Variants in NAV3 observed in about 807,000 individuals in gnomAD.
NAV3 encodes the protein neuron navigator 3, also known as pore membrane and/or filament interacting like protein 1.
In NAV3, 87 loss-of-function variants were observed where a neutral mutation model predicts 244.7. That is an observed-to-expected ratio of 0.36 (90% CI 0.30 to 0.42). NAV3 has a LOEUF of 0.42. NAV3 is among the 20% of genes least tolerant of loss of function. The pLI is 1.00. For missense variants in NAV3, 2,663 were observed against 2,893.3 expected (o/e 0.92, Z 1.83); for synonymous variants, 1,126 against 1,042.2 (o/e 1.08, Z -1.55).
intron 2 of NAV3, among the ~76,000 whole-genome samples, chr12:77,673,337 A>G (rs1180060303): frequency 6.6e-6 from 1 of 152,172 alleles, no homozygotes; most frequent in African/African-American, 2.4e-5. Flanking sequence ...AACAGAGATT[A>G]ATGAACATAA....
intron 2 of NAV3, among the ~76,000 whole-genome samples, chr12:77,815,084 C>A (rs1872476474): frequency 6.6e-6 from 1 of 152,116 alleles, no homozygotes; most frequent in Non-Finnish European, 1.5e-5. Flanking sequence ...TTACACAGTC[C>A]TTGAATTTTA....
rs35092398 is a variant in NAV3 at position 77,946,102 on chromosome 12, G to GTA, written c.414+4987_414+4988dup. On this transcript the variant is annotated intron_variant, in intron 3 of 39. Coordinates refer to ENST00000397909, the MANE Select transcript of NAV3 (RefSeq NM_001024383.2). ...AGAAAAATTCACCATATATATATAT[G>GTA]TATATATATATATATATATTGTGTA... 2.2e-3 allele frequency among the ~76,000 whole-genome samples: 311 copies of GTA among 141,970 alleles called. 2 individuals are homozygous for GTA. Among genetic ancestry groups the GTA allele is most frequent in the Middle Eastern group, 3.7e-3 (1 of 270 alleles). The allele number at this position is 141,970 out of a possible 152,430, so 93.1% of individuals were successfully genotyped here. A position where few individuals can be genotyped will look rare whatever the true frequency, so the allele number is the denominator to read the frequency against.
rs1299894406 is a variant in NAV3, at chr12:78,165,458, G to T, written c.4870-3297G>T. The stretch of plus-strand genomic sequence containing the variant: ...TGATTAATGAGGATTCTCAAAACTT[G>T]AGTATCTTCTATGTTTCCCTTCAAC... On this transcript the variant is annotated intron_variant, in intron 23 of 39. Coordinates refer to ENST00000397909, the MANE Select transcript of NAV3 (RefSeq NM_001024383.2). 1.7e-4 allele frequency among the ~76,000 whole-genome samples: 26 copies of T among 151,696 alleles called. 1 individual carries two copies. The highest frequency in any genetic ancestry group is 1.3e-3 in the Admixed American group (20 of 15,174).
chr12:77,928,915 A>G (rs113085010), intron 1 of NAV3, among the ~76,000 whole-genome samples: 4 of 152,320 alleles, frequency 2.6e-5, no homozygotes, highest in African/African-American at 9.6e-5. Context: ...TGATATCTGC[A>G]TAACAAAGTG....
chr12:78,024,153 C>A (rs1877612498), intron 9 of NAV3, among the ~76,000 whole-genome samples: 1 of 152,188 alleles, frequency 6.6e-6, no homozygotes, highest in Admixed American at 6.5e-5. Context: ...TATTTTTCTT[C>A]TCTCCTTAGC....
At chr12:77,760,462 T>G (rs533646684) in intron 2 of NAV3, among the ~76,000 whole-genome samples, 17 of 152,342 alleles carry the variant, frequency 1.1e-4, no homozygotes, top group African/African-American at 4.1e-4. Flanking sequence ...CACTGTTGAT[T>G]TTGGCTATTG....
intron 3 of NAV3, among the ~76,000 whole-genome samples, chr12:77,944,272 A>C (rs578079128): frequency 7.2e-5 from 11 of 152,166 alleles, no homozygotes; most frequent in Non-Finnish European, 1.3e-4. Context: ...AGATGTTTAA[A>C]GCTGGGCTGT....
intron 2 of NAV3, among the ~76,000 whole-genome samples, chr12:77,777,816 T>C (rs192128465): frequency 0.035 from 5,342 of 151,460 alleles, 131 homozygotes; most frequent in Non-Finnish European, 0.055. Context: ...TCTTTTTTCT[T>C]TTTTTTTTGA....
Position 78,095,559 on chromosome 12 carries a change from C to A in NAV3, c.2637-21213C>A, listed in dbSNP as rs1018556499. Among the ~76,000 whole-genome samples, 3 of 152,240 alleles carry A rather than the reference C, an allele frequency of 2.0e-5. No individual in the cohort carries two copies. The East Asian group carries it at 5.8e-4, about 29-fold the overall frequency. On this transcript the variant is annotated intron_variant, in intron 12 of 39. Transcript: ENST00000397909. ...CTAAAGTTTACAGAATTTATTCCTG[C>A]TCTTTGAGGGTGCATTGCAAATCCA...
intron 21 of NAV3, 26 bp from the exon 22 acceptor site, chr12:78,148,816 C>A (rs960896734): frequency 6.3e-7 from 1 of 1,582,526 alleles, no homozygotes; most frequent in Non-Finnish European, 8.6e-7. Context: ...CTTGCCTATT[C>A]CATTGATTTT....
intron 12 of NAV3, among the ~76,000 whole-genome samples, chr12:78,096,606 G>A (rs1954264052): frequency 1.3e-5 from 2 of 152,134 alleles, no homozygotes; most frequent in African/African-American, 4.8e-5. Flanking sequence ...AGCATGTGCA[G>A]GGGAACTGCT....
chr12:77,825,106 T>C (rs1872919723), intron 2 of NAV3, among the ~76,000 whole-genome samples: 1 of 152,160 alleles, frequency 6.6e-6, no homozygotes, highest in Admixed American at 6.5e-5. Context: ...AACTAAGAAT[T>C]TTGTACCCAG....
intron 12 of NAV3, among the ~76,000 whole-genome samples, chr12:78,092,790 G>A (rs557061027): frequency 6.6e-6 from 1 of 152,108 alleles, no homozygotes; most frequent in South Asian, 2.1e-4. Context: ...GTGAGCCACC[G>A]CGCCCGGCCG....
upstream of NAV3, among the ~76,000 whole-genome samples, chr12:77,827,793 A>G (rs192434686): frequency 3.3e-4 from 51 of 152,348 alleles, 1 homozygote; most frequent in Admixed American, 3.0e-3. Context: ...TGAAGGAAGA[A>G]TAATTATTTT....
chr12:78,133,680 A>G (rs535046996), intron 18 of NAV3, among the ~76,000 whole-genome samples: 34 of 152,300 alleles, frequency 2.2e-4, no homozygotes, highest in Admixed American at 1.7e-3. Context: ...AGCTACTGCC[A>G]CAGTAAACTA....
At chr12:77,727,531 G>A (rs1876931398) in intron 2 of NAV3, among the ~76,000 whole-genome samples, 1 of 151,828 alleles carries the variant, frequency 6.6e-6, no homozygotes, top group Admixed American at 6.6e-5. Context: ...TGAAACGTAA[G>A]TGAAAAACAG....
chr12:78,154,928 G>A (rs1445114392), intron 22 of NAV3, among the ~76,000 whole-genome samples: 2 of 151,822 alleles, frequency 1.3e-5, no homozygotes, highest in Non-Finnish European at 2.9e-5. Flanking sequence ...TTACCCTATT[G>A]AGTGAGAAAT....
chr12:77,886,710 T>C (rs1243999577), intron 1 of NAV3, among the ~76,000 whole-genome samples: 3 of 152,214 alleles, frequency 2.0e-5, no homozygotes, highest in African/African-American at 2.4e-5. Context: ...TTAATCTTTC[T>C]GGACTTGGAT....
At chr12:77,922,638 G>A (rs1887822844) in intron 1 of NAV3, among the ~76,000 whole-genome samples, 2 of 152,020 alleles carry the variant, frequency 1.3e-5, no homozygotes, top group South Asian at 4.2e-4. Context: ...TTGTCCCCTC[G>A]GCCTGTGTTC....
Sources: allele counts gnomAD v4.1 joint callset (sites outside exome capture counted in the v4.1 genomes callset), GRCh38; gene constraint gnomAD v4.1.1; transcripts MANE v1.5; gene names NCBI Gene and HGNC (gene_info 2026-07-23, HGNC 2026-07-21).